TMEM266: variants seen among roughly 807,000 people sequenced by gnomAD.
The protein encoded by TMEM266 is Hv1 related protein 1.
Under a neutral mutation model 50.5 loss-of-function variants are expected in TMEM266, and 33 were observed. That is an observed-to-expected ratio of 0.65 (90% CI 0.50 to 0.87). The LOEUF is 0.87. TMEM266 is among the 40% of genes least tolerant of loss of function. The pLI, the probability that TMEM266 is intolerant of heterozygous loss-of-function variation, is 0.00. For missense variants in TMEM266, 655 were observed against 695.1 expected, an observed-to-expected ratio of 0.94 and a Z score of 0.65; for synonymous variants, 310 against 292.3, an observed-to-expected ratio of 1.06 and a Z score of -0.62.
At chr15:76,191,694 G>T (rs2038572351) in intron 8 of TMEM266, 1 of 408,348 alleles carries the variant, frequency 2.4e-6, no homozygotes, top group African/African-American at 2.1e-5. Context: ...AAGGAAACAC[G>T]TTGTGTTTCC....
chr15:76,076,116 C>A (rs954387748), intron 1 of TMEM266, among the ~76,000 whole-genome samples: 6 of 151,644 alleles, frequency 4.0e-5, no homozygotes, highest in African/African-American at 1.5e-4. Flanking sequence ...TCTAGGGCTC[C>A]CAAAGTGTTG....
intron 8 of TMEM266, among the ~76,000 whole-genome samples, chr15:76,190,931 A>C (rs759426820): frequency 3.3e-5 from 5 of 152,136 alleles, no homozygotes; most frequent in Non-Finnish European, 7.4e-5. Flanking sequence ...TGCGGGGAAC[A>C]CTAGGTGGCG....
In TMEM266 at chr15:76,105,200, C is replaced by T. The variant is rs1157231614; in HGVS notation, c.-96-28968C>T. On this transcript the variant is annotated intron_variant, in intron 1 of 10. Transcript: ENST00000388942. The stretch of plus-strand genomic sequence containing the variant: ...GGCGAAGGTTGCAGTAAGCAGAGAT[C>T]GCGCCACTGTACTCCAGCCTGAGTG... Among the ~76,000 whole-genome samples the T allele has an allele frequency of 1.2e-4, 18 of 151,932 alleles. 1 individual carries two copies. Among genetic ancestry groups the T allele is most frequent in the Non-Finnish European group, 1.5e-4 (10 of 67,984 alleles).
intron 9 of TMEM266, among the ~76,000 whole-genome samples, chr15:76,194,967 C>T (rs557753343): frequency 1.7e-4 from 26 of 152,238 alleles, no homozygotes; most frequent in South Asian, 4.1e-4. Context: ...GATCTTGCCC[C>T]GGGCTGCTTC....
Position 76,160,189 on chromosome 15 carries a change from T to G in TMEM266, c.456+21T>G. ...CAGAGGTAGGTGGAGACTCTGGCCCTGTCACCTCCTCTGTTGGGTGACTCC... is the reference window on the plus strand; with the variant it reads ...CAGAGGTAGGTGGAGACTCTGGCCCGGTCACCTCCTCTGTTGGGTGACTCC... On this transcript the variant is annotated intron_variant, in intron 5 of 10. Transcript: ENST00000388942. This position sits in a 1 kb window ranked among gnomAD's most constrained non-coding sequence, Gnocchi z 5.7. 2 of 1,606,026 alleles carry G rather than the reference T, an allele frequency of 1.2e-6. No individual in the cohort carries two copies. The highest frequency in any genetic ancestry group is 1.7e-6 in the Non-Finnish European group (2 of 1,172,692).
At chr15:76,193,334 C>T (rs1390647866) in intron 9 of TMEM266, among the ~76,000 whole-genome samples, 2 of 152,194 alleles carry the variant, frequency 1.3e-5, no homozygotes, top group Non-Finnish European at 2.9e-5. Context: ...GATCCTCCCA[C>T]CTCAGCCTCC....
At chr15:76,089,922 C>T (rs1006082965) in intron 1 of TMEM266, among the ~76,000 whole-genome samples, 2 of 152,098 alleles carry the variant, frequency 1.3e-5, no homozygotes, top group Admixed American at 6.5e-5. Flanking sequence ...AAGGATGACT[C>T]CCATGGCTCT....
intron 8 of TMEM266, among the ~76,000 whole-genome samples, chr15:76,186,215 C>T (rs898217563): frequency 2.6e-5 from 4 of 152,194 alleles, no homozygotes; most frequent in Non-Finnish European, 5.9e-5. Context: ...CCCATCCTCC[C>T]TCCCAGCACA....
At chr15:76,186,624 C>T (rs1277132838) in intron 8 of TMEM266, among the ~76,000 whole-genome samples, 1 of 152,206 alleles carries the variant, frequency 6.6e-6, no homozygotes, top group Non-Finnish European at 1.5e-5. Context: ...TCTCTTATCC[C>T]TCCTCTTATC....
intron 1 of TMEM266, among the ~76,000 whole-genome samples, chr15:76,121,020 T>C (rs193160229): frequency 3.9e-4 from 59 of 152,290 alleles, no homozygotes; most frequent in African/African-American, 1.3e-3. Flanking sequence ...GGAAGGGATG[T>C]CCATATATAC....
chr15:76,102,746 G>A (rs2037018583), intron 1 of TMEM266, among the ~76,000 whole-genome samples: 1 of 151,654 alleles, frequency 6.6e-6, no homozygotes, highest in Admixed American at 6.6e-5. Context: ...GGCTGAGGCA[G>A]GAGAATCACT....
At position 76,156,685 on chromosome 15, in the gene TMEM266, C is replaced by T. The variant is rs2037933460; in HGVS notation, c.309C>T (p.Phe103=). The T allele has an allele frequency of 1.2e-6, 2 of 1,614,168 alleles. No individual in the cohort carries two copies. Among genetic ancestry groups the T allele is most frequent in the Non-Finnish European group, 1.7e-6 (2 of 1,179,988 alleles). The change falls in exon 4 of 11, where the codon TTC becomes TTT. Residue 103 remains phenylalanine, a synonymous_variant. Coordinates refer to ENST00000388942, the MANE Select transcript of TMEM266 (RefSeq NM_152335.3). Reference sequence around the variant, plus strand: ...TGCTCAGTGCAAGTCTCAACAGTTTCCTGGTAGCCTGTGTAATATTGGTGG... The same window carrying T: ...TGCTCAGTGCAAGTCTCAACAGTTTTCTGGTAGCCTGTGTAATATTGGTGG...
chr15:76,116,224 C>T (rs141409253), intron 1 of TMEM266, among the ~76,000 whole-genome samples: 14 of 152,002 alleles, frequency 9.2e-5, no homozygotes, highest in African/African-American at 2.4e-4. Context: ...CTCCAAGCTC[C>T]GGGAGACACA....
At chr15:76,198,242 G>T (rs1445089918) in intron 9 of TMEM266, among the ~76,000 whole-genome samples, 2 of 152,198 alleles carry the variant, frequency 1.3e-5, no homozygotes, top group African/African-American at 4.8e-5. Flanking sequence ...GAGCCGGGTT[G>T]GCCCTGGGTC....
Position 76,194,485 on chromosome 15 carries a change from C to T in TMEM266, c.958+2328C>T, listed in dbSNP as rs374238498. Among the ~76,000 whole-genome samples the T allele has an allele frequency of 2.0e-5, 3 of 152,218 alleles. No individual in the cohort carries two copies. In the South Asian group the frequency reaches 6.2e-4, roughly 32 times the overall value. ...TGTCCCTCAGGAGAAAGCCCACGCCCCTTAGGCTGGTGGATTAGTTTGCTA... is the reference window on the plus strand; with the variant it reads ...TGTCCCTCAGGAGAAAGCCCACGCCTCTTAGGCTGGTGGATTAGTTTGCTA... On this transcript the variant is annotated intron_variant, in intron 9 of 10. Coordinates refer to ENST00000388942, the MANE Select transcript of TMEM266 (RefSeq NM_152335.3).
At chr15:76,140,803 G>A (rs1315749907) in intron 3 of TMEM266, among the ~76,000 whole-genome samples, 1 of 151,716 alleles carries the variant, frequency 6.6e-6, no homozygotes. Flanking sequence ...GGGAGGCTGA[G>A]GTGAGAGGAT....
intron 1 of TMEM266, among the ~76,000 whole-genome samples, chr15:76,122,685 G>C (rs2037362857): frequency 6.6e-6 from 1 of 152,178 alleles, no homozygotes; most frequent in Non-Finnish European, 1.5e-5. Flanking sequence ...CATTGTTGGT[G>C]GTTCTCAAAA....
chr15:76,132,811 G>GT (rs1387728199), intron 1 of TMEM266, among the ~76,000 whole-genome samples: 4 of 100,532 alleles, frequency 4.0e-5, no homozygotes, highest in South Asian at 3.7e-4. Flanking sequence ...AATAATAATA[G>GT]TAATTATTAT....
At chr15:76,199,996 T>C (rs79495512) in intron 9 of TMEM266, among the ~76,000 whole-genome samples, 9,867 of 152,196 alleles carry the variant, frequency 0.065, 440 homozygotes, top group Non-Finnish European at 0.092. Flanking sequence ...CCTGTAAGCC[T>C]CACACATAGT....
Sources: gnomAD v4.1 joint callset for allele counts (sites outside exome capture counted in the v4.1 genomes callset) on GRCh38, gnomAD v4.1.1 for gene constraint, Gnocchi (gnomAD v3.1) non-coding constraint, MANE v1.5 for transcripts, NCBI Gene and HGNC (gene_info 2026-07-23, HGNC 2026-07-21) for gene names.